The following INTS2 variants were observed in gnomAD, a reference collection of about 807,000 sequenced individuals.
INTS2 encodes integrator complex subunit 2.
In INTS2, 57 loss-of-function variants were observed where a neutral mutation model predicts 139.6. The ratio of observed to expected loss-of-function variants is 0.41; its 90% CI spans 0.33 to 0.51. INTS2 has a LOEUF of 0.51. Ranked by LOEUF, INTS2 falls within the 20% of genes least tolerant of loss-of-function variation. The pLI is 0.28. For synonymous variants in INTS2, 473 were observed against 493.4 expected (o/e 0.96, Z 0.55); for missense variants, 1,196 against 1,436.7 (o/e 0.83, Z 2.71).
At position 61,907,559 on chromosome 17, in the gene INTS2, G is replaced by A. The variant is rs774711072; in HGVS notation, c.1030C>T (p.Pro344Ser). ...ACAATTCGGGTGCTTCTTACTGTGG[G>A]AAGAATGCCCATCAACTCCAGAAGA... ...QLLLELMGIL[P>S]TVRSTRIVEE... Residue 344 changes from proline to serine, a missense_variant, in exon 8 of 25, where the codon CCC (proline) becomes TCC (serine). Physicochemically the swap from Pro to Ser is moderately conservative, Grantham distance 74. Transcript: ENST00000251334. The A allele has an allele frequency of 6.3e-7, 1 of 1,593,918 alleles. No individual in the cohort carries two copies. The highest frequency in any genetic ancestry group is 1.1e-5 in the South Asian group (1 of 87,236).
Position 61,876,381 on chromosome 17 carries a change from G to A in INTS2, c.2457-1343C>T, listed in dbSNP as rs375445351. On this transcript the variant is annotated intron_variant, in intron 18 of 24. Transcript: ENST00000251334. The surrounding 1 kb of genome is among the most constrained non-coding windows in gnomAD (Gnocchi z 4.1). ...AAAATATGGAATCCAACAAAGAAGA[G>A]TGACAATAGCAATTTGTCCCAGATG... Among the ~76,000 whole-genome samples the A allele has an allele frequency of 1.3e-5, 2 of 151,960 alleles. No individual in the cohort carries two copies. Among genetic ancestry groups the A allele is most frequent in the East Asian group, 1.9e-4 (1 of 5,182 alleles).
At chr17:61,888,842 G>C (rs894130820) in intron 15 of INTS2, among the ~76,000 whole-genome samples, 1 of 151,984 alleles carries the variant, frequency 6.6e-6, no homozygotes, top group African/African-American at 2.4e-5. Context: ...GGCTAACATG[G>C]TGAAACCCCA....
rs1461790005 is a variant in INTS2 at position 61,873,356 on chromosome 17, C to A, written c.2583-896G>T. Among the ~76,000 whole-genome samples the A allele has an allele frequency of 1.3e-5, 2 of 151,732 alleles. No homozygotes were observed. Among genetic ancestry groups the A allele is most frequent in the South Asian group, 2.1e-4 (1 of 4,814 alleles). ...CTGGACAACATAGCAAGACCCCCAA[C>A]TCAAAAAATAAAAATAAATTTGAAA... On this transcript the variant is annotated intron_variant, in intron 19 of 24. Transcript: ENST00000251334. The surrounding 1 kb of genome is among the most constrained non-coding windows in gnomAD (Gnocchi z 4.0).
chr17:61,877,786 CTA>C (rs1044775830), intron 18 of INTS2, 99 bp downstream of exon 18: 36 of 801,014 alleles, frequency 4.5e-5, no homozygotes, highest in Non-Finnish European at 5.6e-5. Flanking sequence ...ACAAATACTG[CTA>C]TGAGTGGTGA....
At position 61,865,494 on chromosome 17, in the gene INTS2, TAACA is replaced by T. The variant is rs2145892269; in HGVS notation, c.*2059_*2062del. ...ACCTTAACTTAAAATACATGAATATTAACATTTACTAATATATTTACACATTTTA... is the reference window on the plus strand; with the variant it reads ...ACCTTAACTTAAAATACATGAATATTTTTACTAATATATTTACACATTTTA... On this transcript the variant is annotated 3_prime_UTR_variant, in exon 25 of 25. Coordinates refer to ENST00000251334, the MANE Select transcript of INTS2 (RefSeq NM_001351695.2). The surrounding 1 kb of genome is among the most constrained non-coding windows in gnomAD (Gnocchi z 4.8). The T allele has an allele frequency of 6.5e-6, 1 of 152,804 alleles. No individual in the cohort carries two copies. The highest frequency in any genetic ancestry group is 1.5e-5 in the Non-Finnish European group (1 of 68,048). The allele number at this position is 152,804 out of a possible 1,614,324, so 9.5% of individuals were successfully genotyped here.
chr17:61,888,169 G>C (rs565294353), intron 15 of INTS2, among the ~76,000 whole-genome samples: 1 of 152,144 alleles, frequency 6.6e-6, no homozygotes, highest in East Asian at 1.9e-4. Flanking sequence ...CCAGGAGTTT[G>C]AGATCAGCCT....
intron 16 of INTS2, among the ~76,000 whole-genome samples, chr17:61,883,962 A>G (rs952541283): frequency 6.6e-6 from 1 of 151,476 alleles, no homozygotes; most frequent in Non-Finnish European, 1.5e-5. Flanking sequence ...TACCCACTGC[A>G]CTCCAGCTTG....
At chr17:61,904,437 G>C in intron 9 of INTS2, 23 bp downstream of exon 9, 1 of 1,526,322 alleles carries the variant, frequency 6.6e-7, no homozygotes, top group Non-Finnish European at 8.9e-7. Flanking sequence ...TGAGAAAATG[G>C]AGCAACTTAT....
At chr17:61,906,822 T>C (rs1188833871) in intron 8 of INTS2, among the ~76,000 whole-genome samples, 4 of 63,848 alleles carry the variant, frequency 6.3e-5, no homozygotes, top group East Asian at 4.1e-4. Flanking sequence ...CCGTCTCTAC[T>C]AAAAATACAA....
Position 61,869,871 on chromosome 17 carries a change from C to T in INTS2, c.2896G>A (p.Ala966Thr). 5.0e-6 allele frequency: 8 copies of T among 1,613,874 alleles called. No individual in the cohort carries two copies. The highest frequency in any genetic ancestry group is 2.2e-5 in the East Asian group (1 of 44,868). ...RNVQSVITTSAPNKGMEEGED... is the reference protein window; with the variant it reads ...RNVQSVITTSTPNKGMEEGED... ...CCTTCCTCCATTCCCTTATTTGGAG[C>T]GCTGGTGGTAATAACACTTTGAACA... is the stretch of plus-strand genomic sequence containing the variant. Residue 966 changes from alanine (A) to threonine (T), a missense_variant, in exon 21 of 25, where the codon GCT becomes ACT. Transcript: ENST00000251334. This position sits in a 1 kb window ranked among gnomAD's most constrained non-coding sequence, Gnocchi z 5.4.
At chr17:61,914,388 T>A (rs2079556195) in intron 5 of INTS2, among the ~76,000 whole-genome samples, 1 of 151,918 alleles carries the variant, frequency 6.6e-6, no homozygotes, top group South Asian at 2.1e-4. Context: ...AAACCCCATA[T>A]CCACAAAAAT....
At position 61,869,880 on chromosome 17, in the gene INTS2, T is replaced by C. The variant is rs191661673; in HGVS notation, c.2887A>G (p.Thr963Ala). The C allele has an allele frequency of 6.2e-7, 1 of 1,613,936 alleles. No individual in the cohort carries two copies. The highest frequency in any genetic ancestry group is 8.5e-7 in the Non-Finnish European group (1 of 1,179,828). Residue 963 changes from threonine to alanine, a missense_variant, in exon 21 of 25, where the codon ACC (threonine) becomes GCC (alanine). By Grantham distance (58) the Thr-to-Ala change is moderately conservative (BLOSUM62 0). Transcript: ENST00000251334. The surrounding 1 kb of genome is among the most constrained non-coding windows in gnomAD (Gnocchi z 5.4). Reference sequence around the variant, plus strand: ...ATTCCCTTATTTGGAGCGCTGGTGGTAATAACACTTTGAACATTTCTTAAC... The same window carrying C: ...ATTCCCTTATTTGGAGCGCTGGTGGCAATAACACTTTGAACATTTCTTAAC... ...SLLRNVQSVI[T>A]TSAPNKGMEE...
At chr17:61,917,552 C>T (rs1395322998) in intron 5 of INTS2, among the ~76,000 whole-genome samples, 1 of 152,202 alleles carries the variant, frequency 6.6e-6, no homozygotes, top group African/African-American at 2.4e-5. Context: ...ACCACATGTT[C>T]TCACTATAAG....
At chr17:61,907,726 T>G in intron 7 of INTS2, 92 bp from the exon 8 acceptor site, 1 of 962,262 alleles carries the variant, frequency 1.0e-6, no homozygotes, top group Non-Finnish European at 1.6e-6. Context: ...TTAAACACTT[T>G]CAAATTGGCC....
intron 5 of INTS2, among the ~76,000 whole-genome samples, chr17:61,918,626 C>T (rs1344987215): frequency 6.6e-6 from 1 of 152,184 alleles, no homozygotes; most frequent in African/African-American, 2.4e-5. Flanking sequence ...TCCTCCCAGG[C>T]TCCTAATTCA....
chr17:61,914,784 G>T (rs1567915695), intron 5 of INTS2, among the ~76,000 whole-genome samples: 1 of 151,442 alleles, frequency 6.6e-6, no homozygotes, highest in Non-Finnish European at 1.5e-5. Context: ...TGAGGCAGAA[G>T]GATCACTCGA....
At position 61,899,842 on chromosome 17, in the gene INTS2, G is replaced by T. The variant is rs372144967; in HGVS notation, c.1308-2103C>A. Among the ~76,000 whole-genome samples the T allele has an allele frequency of 3.3e-5, 5 of 151,526 alleles. No homozygotes were observed. In the East Asian group the frequency reaches 7.8e-4, roughly 24 times the overall value. On this transcript the variant is annotated intron_variant, in intron 9 of 24. Transcript: ENST00000251334. ...TGGGAGGATCTCTTGAGCCCAAGAG[G>T]CCAAGGCTGCAGCGAGCCCTGATCG... is the stretch of plus-strand genomic sequence containing the variant.
Position 61,879,620 on chromosome 17 carries a change from G to A in INTS2, c.2254+1387C>T, listed in dbSNP as rs1404702671. ...AATTCCAGCACTTTGGGAGGCCAAG[G>A]CAGGCAGACTGCTTGAGCCCACGAG... On this transcript the variant is annotated intron_variant, in intron 17 of 24. Coordinates refer to ENST00000251334, the MANE Select transcript of INTS2 (RefSeq NM_001351695.2). Among the ~76,000 whole-genome samples the A allele has an allele frequency of 2.6e-5, 4 of 152,262 alleles. No homozygotes were observed. In the East Asian group the frequency reaches 7.7e-4, roughly 29 times the overall value.
At chr17:61,926,999 C>T (rs2079722705) in intron 1 of INTS2, 2 of 307,102 alleles carry the variant, frequency 6.5e-6, no homozygotes, top group East Asian at 1.6e-4. Context: ...AGGCTGAATC[C>T]TCATCTACTA....
Sources: gnomAD v4.1 joint callset for allele counts (sites outside exome capture counted in the v4.1 genomes callset) on GRCh38, gnomAD v4.1.1 for gene constraint, Gnocchi (gnomAD v3.1) non-coding constraint, MANE v1.5 for transcripts, NCBI Gene and HGNC (gene_info 2026-07-23, HGNC 2026-07-21) for gene names.